MCPH1: variants seen among roughly 807,000 people sequenced by gnomAD.
The protein encoded by MCPH1 is microcephalin.
Under a neutral mutation model 84.5 loss-of-function variants are expected in MCPH1, and 104 were observed. The observed-to-expected ratio is 1.23, with a 90% CI of 1.05 to 1.45. The LOEUF (loss-of-function observed/expected upper bound fraction) is 1.45, where lower values mean the gene tolerates loss of function less well. MCPH1 is among the 40% of genes most tolerant of loss of function. The pLI is 0.00. For synonymous variants in MCPH1, 514 were observed against 366.8 expected, an observed-to-expected ratio of 1.40 and a Z score of -4.58; for missense variants, 1,498 against 1,005.7, an observed-to-expected ratio of 1.49 and a Z score of -6.62.
chr8:6,483,747 C>G (rs907737204), intron 11 of MCPH1, among the ~76,000 whole-genome samples: 1 of 152,130 alleles, frequency 6.6e-6, no homozygotes, highest in Non-Finnish European at 1.5e-5. Context: ...GTAATCCCAG[C>G]TACTCAGGAG....
At chr8:6,561,487 C>T (rs930609239) in intron 12 of MCPH1, among the ~76,000 whole-genome samples, 2 of 152,290 alleles carry the variant, frequency 1.3e-5, no homozygotes, top group East Asian at 3.9e-4. Flanking sequence ...TTCTGAGATT[C>T]AGATAAGGTG....
At position 6,509,915 on chromosome 8, in the gene MCPH1, G is replaced by T. The variant is rs868644884; in HGVS notation, c.2214+9986G>T. 2.6e-5 allele frequency among the ~76,000 whole-genome samples: 4 copies of T among 152,146 alleles called. No homozygotes were observed. The East Asian group carries it at 5.8e-4, about 22-fold the overall frequency. ...TGACTGGGACCTGTGGCTCGCTGCCGCTGCCTGGCATCATGAGGGAGCATC... is the reference window on the plus strand; with the variant it reads ...TGACTGGGACCTGTGGCTCGCTGCCTCTGCCTGGCATCATGAGGGAGCATC... On this transcript the variant is annotated intron_variant, in intron 12 of 13. Coordinates refer to ENST00000344683, the MANE Select transcript of MCPH1 (RefSeq NM_024596.5).
At chr8:6,635,903 C>T (rs973219700) in intron 13 of MCPH1, among the ~76,000 whole-genome samples, 3 of 152,238 alleles carry the variant, frequency 2.0e-5, no homozygotes, top group Non-Finnish European at 2.9e-5. Flanking sequence ...CAGCTGATTG[C>T]GGTCTCTGCT....
intron 12 of MCPH1, chr8:6,514,751 C>T: frequency 6.2e-7 from 1 of 1,614,074 alleles, no homozygotes; most frequent in Non-Finnish European, 8.5e-7. Context: ...GTCCACCCGC[C>T]TCCTCCAGCT....
At chr8:6,604,036 C>G (rs1829567110) in intron 12 of MCPH1, among the ~76,000 whole-genome samples, 1 of 148,562 alleles carries the variant, frequency 6.7e-6, no homozygotes, top group African/African-American at 2.5e-5. Context: ...TGACATATGT[C>G]TCCTTTGATC....
chr8:6,446,467 C>G (rs1259621079), intron 8 of MCPH1: 2 of 985,022 alleles, frequency 2.0e-6, no homozygotes, highest in Non-Finnish European at 2.4e-6. Context: ...ATACGCTCCC[C>G]AAAATTGTTT....
intron 12 of MCPH1, among the ~76,000 whole-genome samples, chr8:6,505,236 TA>T (rs1330939355): frequency 0.031 from 149 of 4,744 alleles, 29 homozygotes; most frequent in African/African-American, 0.067. Flanking sequence ...TATGTATATA[TA>T]GAATATATAT....
At chr8:6,485,742 G>A (rs975077687) in intron 11 of MCPH1, among the ~76,000 whole-genome samples, 1 of 152,068 alleles carries the variant, frequency 6.6e-6, no homozygotes, top group South Asian at 2.1e-4. Context: ...TGAAATATCT[G>A]TTTGTGTGAT....
At position 6,642,240 on chromosome 8, in the gene MCPH1, G is replaced by T. The variant is rs367570775; in HGVS notation, c.2453-754G>T. 1.3e-4 allele frequency among the ~76,000 whole-genome samples: 19 copies of T among 151,978 alleles called. No individual in the cohort carries two copies. The South Asian group carries it at 3.7e-3, about 30-fold the overall frequency. ...ATTTAATCTACCTTATCATCCAATC[G>T]GTGCTGACAGTGGATTTCATTCCTT... On this transcript the variant is annotated intron_variant, in intron 13 of 13. Coordinates refer to ENST00000344683, the MANE Select transcript of MCPH1 (RefSeq NM_024596.5).
chr8:6,576,547 C>G (rs1278810065), intron 12 of MCPH1, among the ~76,000 whole-genome samples: 1 of 141,798 alleles, frequency 7.1e-6, no homozygotes, highest in African/African-American at 2.6e-5. Context: ...CTCCCTCTGT[C>G]CCCCAGGCTG....
chr8:6,617,237 A>AAAGTT lies in MCPH1; in HGVS notation c.2215-4215_2215-4211dup, dbSNP rs369340180. Reference sequence around the variant, plus strand: ...CTGTTGTTTATTTTATACCTGTATGAAAGTTATGGGTTTTTTGGTGGGGGG... The same window carrying AAAGTT: ...CTGTTGTTTATTTTATACCTGTATGAAAGTTAAGTTATGGGTTTTTTGGTGGGGGG... On this transcript the variant is annotated intron_variant, in intron 12 of 13. Coordinates refer to ENST00000344683, the MANE Select transcript of MCPH1 (RefSeq NM_024596.5). 3.9e-3 allele frequency: 571 copies of AAAGTT among 144,846 alleles called. 9 individuals are homozygous for AAAGTT. Among genetic ancestry groups the AAAGTT allele is most frequent in the African/African-American group, 0.014 (536 of 38,208 alleles). The allele number at this position is 144,846 out of a possible 1,614,324, so 9.0% of individuals were successfully genotyped here. A position where few individuals can be genotyped will look rare whatever the true frequency, so the allele number is the denominator to read the frequency against.
intron 6 of MCPH1, among the ~76,000 whole-genome samples, chr8:6,441,079 G>T (rs1803441050): frequency 6.6e-6 from 1 of 152,168 alleles, no homozygotes; most frequent in Non-Finnish European, 1.5e-5. Flanking sequence ...CCATTGGCTG[G>T]AATGTGGTCA....
rs1820846161 is a variant in MCPH1, at chr8:6,538,147, C to A, written c.2214+38218C>A. Among the ~76,000 whole-genome samples, 2 of 151,790 alleles carry A rather than the reference C, an allele frequency of 1.3e-5. 1 individual carries two copies. The highest frequency in any genetic ancestry group is 4.2e-4 in the South Asian group (2 of 4,810). Reference sequence around the variant, plus strand: ...ATGATCCATCCATCTTCCCACCCAGCCCTTCCATTTTTCTAGTAAACCCTT... The same window carrying A: ...ATGATCCATCCATCTTCCCACCCAGACCTTCCATTTTTCTAGTAAACCCTT... On this transcript the variant is annotated intron_variant, in intron 12 of 13. Coordinates refer to ENST00000344683, the MANE Select transcript of MCPH1 (RefSeq NM_024596.5).
intron 9 of MCPH1, among the ~76,000 whole-genome samples, chr8:6,471,232 C>A (rs1177742384): frequency 4.6e-5 from 7 of 152,160 alleles, no homozygotes; most frequent in Non-Finnish European, 1.0e-4. Flanking sequence ...TAAAATCAAC[C>A]TGAGGACTTA....
intron 8 of MCPH1, among the ~76,000 whole-genome samples, chr8:6,454,509 T>C (rs994654283): frequency 2.4e-4 from 37 of 152,314 alleles, no homozygotes; most frequent in African/African-American, 8.9e-4. Context: ...TCTGAGGCAG[T>C]AGATGAGTCA....
intron 12 of MCPH1, among the ~76,000 whole-genome samples, chr8:6,519,287 C>T (rs918455637): frequency 6.6e-6 from 1 of 152,190 alleles, no homozygotes; most frequent in African/African-American, 2.4e-5. Flanking sequence ...CACCACCGGT[C>T]TGTGGCACTG....
intron 12 of MCPH1, among the ~76,000 whole-genome samples, chr8:6,575,701 G>A (rs1375913214): frequency 6.6e-6 from 1 of 152,186 alleles, no homozygotes; most frequent in Non-Finnish European, 1.5e-5. Context: ...AGTTAAGATA[G>A]GGTCATACTG....
intron 12 of MCPH1, among the ~76,000 whole-genome samples, chr8:6,545,582 T>A (rs1029883089): frequency 6.6e-6 from 1 of 152,236 alleles, no homozygotes; most frequent in Non-Finnish European, 1.5e-5. Context: ...AGGGTTAAAA[T>A]GTATATTCGT....
At chr8:6,592,213 G>A (rs1271043634) in intron 12 of MCPH1, among the ~76,000 whole-genome samples, 1 of 151,964 alleles carries the variant, frequency 6.6e-6, no homozygotes, top group Admixed American at 6.6e-5. Flanking sequence ...AGTGCAATGG[G>A]GTGATCCTGG....
Sources: gnomAD v4.1 joint callset for allele counts (sites outside exome capture counted in the v4.1 genomes callset) on GRCh38, gnomAD v4.1.1 for gene constraint, MANE v1.5 for transcripts, NCBI Gene and HGNC (gene_info 2026-07-23, HGNC 2026-07-21) for gene names.